LRRIQ3: variants seen among roughly 807,000 people sequenced by gnomAD.
LRRIQ3 encodes leucine-rich repeat and IQ domain-containing protein 3.
A neutral mutation model predicts 59.3 loss-of-function variants in LRRIQ3; 75 were observed. The observed-to-expected ratio is 1.26, with a 90% CI of 1.05 to 1.53. The LOEUF (loss-of-function observed/expected upper bound fraction) is 1.53, where lower values mean the gene tolerates loss of function less well. LRRIQ3 is among the 40% of genes most tolerant of loss of function. LRRIQ3 has a pLI of 0.00. For missense variants in LRRIQ3, 831 were observed against 710.0 expected (o/e 1.17, Z -1.94); for synonymous variants, 250 against 231.3 (o/e 1.08, Z -0.73).
intron 5 of LRRIQ3, chr1:74,084,275 G>A (rs1425021891): frequency 3.4e-6 from 5 of 1,478,422 alleles, no homozygotes; most frequent in Non-Finnish European, 4.6e-6. Context: ...AACTCTTGAG[G>A]TGTACCATTA....
chr1:74,123,959 A>G (rs1050553047), intron 4 of LRRIQ3, among the ~76,000 whole-genome samples: 1 of 151,926 alleles, frequency 6.6e-6, no homozygotes, highest in Non-Finnish European at 1.5e-5. Context: ...GAGATATAGT[A>G]ACCAAAACAA....
chr1:74,105,779 T>A (rs542081069), intron 5 of LRRIQ3, among the ~76,000 whole-genome samples: 2 of 152,138 alleles, frequency 1.3e-5, no homozygotes, highest in Admixed American at 6.6e-5. Context: ...ATGTATATAG[T>A]TCCATGAGTC....
At chr1:74,097,304 G>T (rs1206403659) in intron 5 of LRRIQ3, among the ~76,000 whole-genome samples, 1 of 152,068 alleles carries the variant, frequency 6.6e-6, no homozygotes. Context: ...TGGAAGAAAG[G>T]GTATCAGTGA....
At chr1:74,090,494 C>T (rs1183586950) in intron 5 of LRRIQ3, among the ~76,000 whole-genome samples, 1 of 151,888 alleles carries the variant, frequency 6.6e-6, no homozygotes. Flanking sequence ...ACCAGAAATA[C>T]TTAGTAATGA....
Position 74,037,867 on chromosome 1 carries a change from A to G in LRRIQ3, c.1718+3346T>C, listed in dbSNP as rs567935713. 7.9e-5 allele frequency among the ~76,000 whole-genome samples: 12 copies of G among 152,244 alleles called. No homozygotes were observed. The South Asian group carries it at 2.5e-3, about 32-fold the overall frequency. ...AACTGTGCAACCCAAGGATTGGAGGATCCCACTCATGAACCCATGCCACCG... is the reference window on the plus strand; with the variant it reads ...AACTGTGCAACCCAAGGATTGGAGGGTCCCACTCATGAACCCATGCCACCG... On this transcript the variant is annotated intron_variant, in intron 7 of 7. Coordinates refer to ENST00000354431, the MANE Select transcript of LRRIQ3 (RefSeq NM_001105659.2).
At chr1:74,130,324 A>G (rs1035017018) in intron 4 of LRRIQ3, among the ~76,000 whole-genome samples, 3 of 152,098 alleles carry the variant, frequency 2.0e-5, no homozygotes, top group Non-Finnish European at 2.9e-5. Context: ...GCTGATCTCA[A>G]TGCACATTCC....
Position 74,041,807 on chromosome 1 carries a change from TG to T in LRRIQ3, c.1123del (p.Gln375AsnfsTer30), listed in dbSNP as rs753312210. The T allele has an allele frequency of 1.1e-5, 18 of 1,613,634 alleles. No homozygotes were observed. Among genetic ancestry groups the T allele is most frequent in the Non-Finnish European group, 1.5e-5 (18 of 1,179,748 alleles). On this transcript the variant is annotated frameshift_variant, in exon 7 of 8. Transcript: ENST00000354431. LOFTEE classifies it high-confidence loss of function. ...KNNAVLREKK[Q>X]HFFPAYPQPI... Reference sequence around the variant, plus strand: ...CTGAGGATATGCAGGAAAAAAATGTTGTTTTTTCTCTCTCAATACTGCATTA... The same window carrying T: ...CTGAGGATATGCAGGAAAAAAATGTTTTTTTTCTCTCTCAATACTGCATTA...
intron 1 of LRRIQ3, among the ~76,000 whole-genome samples, chr1:74,196,224 T>C (rs1242691149): frequency 6.6e-6 from 1 of 152,154 alleles, no homozygotes; most frequent in Non-Finnish European, 1.5e-5. Flanking sequence ...AAATACTCTA[T>C]TTAATATTCT....
At chr1:74,149,402 A>G (rs1647780892) in intron 4 of LRRIQ3, among the ~76,000 whole-genome samples, 2 of 152,110 alleles carry the variant, frequency 1.3e-5, no homozygotes, top group Admixed American at 6.6e-5. Flanking sequence ...TCAGCTTGAA[A>G]ATTGTGTTTC....
intron 3 of LRRIQ3, among the ~76,000 whole-genome samples, chr1:74,163,248 TATTTA>T (rs1201979687): frequency 6.6e-6 from 1 of 151,620 alleles, no homozygotes; most frequent in African/African-American, 2.4e-5. Context: ...TTTACCTTTT[TATTTA>T]TTCTTTTAAT....
intron 3 of LRRIQ3, 30 bp from the exon 4 acceptor site, chr1:74,155,896 T>C: frequency 2.6e-6 from 3 of 1,142,640 alleles, no homozygotes; most frequent in Non-Finnish European, 3.6e-6. Context: ...TTAATAATTT[T>C]TATCTTTCAT....
intron 4 of LRRIQ3, among the ~76,000 whole-genome samples, chr1:74,142,318 T>C (rs1647295644): frequency 6.6e-6 from 1 of 151,978 alleles, no homozygotes. Context: ...AAATTATTAA[T>C]TATCCCATCA....
At chr1:74,169,600 G>A (rs1649199129) in intron 3 of LRRIQ3, among the ~76,000 whole-genome samples, 1 of 152,060 alleles carries the variant, frequency 6.6e-6, no homozygotes, top group South Asian at 2.1e-4. Flanking sequence ...ACCCAGGCTG[G>A]TGTGCCACTG....
At chr1:74,133,296 C>CGGT (rs1449935207) in intron 4 of LRRIQ3, among the ~76,000 whole-genome samples, 1 of 152,108 alleles carries the variant, frequency 6.6e-6, no homozygotes, top group Admixed American at 6.5e-5. Flanking sequence ...TTGTGGAAGA[C>CGGT]GGTGTAGCGA....
chr1:74,047,034 C>G (rs1266663022), intron 6 of LRRIQ3, among the ~76,000 whole-genome samples: 1 of 152,132 alleles, frequency 6.6e-6, no homozygotes, highest in Non-Finnish European at 1.5e-5. Flanking sequence ...TTGTGGGAGA[C>G]AGTGTGGCGA....
At chr1:74,183,029 C>T (rs1650094738) in intron 2 of LRRIQ3, 168 bp from the exon 3 acceptor site, 1 of 442,340 alleles carries the variant, frequency 2.3e-6, no homozygotes, top group Non-Finnish European at 3.9e-6. Context: ...AGTTGAAAAC[C>T]ATAATACACT....
At chr1:74,187,091 A>G (rs2100734108) in intron 1 of LRRIQ3, among the ~76,000 whole-genome samples, 1 of 152,290 alleles carries the variant, frequency 6.6e-6, no homozygotes, top group Admixed American at 6.5e-5. Context: ...AATGTAAACT[A>G]GTATAACCAC....
chr1:74,102,627 T>C (rs1436020862), intron 5 of LRRIQ3, among the ~76,000 whole-genome samples: 1 of 151,994 alleles, frequency 6.6e-6, no homozygotes, highest in East Asian at 1.9e-4. Context: ...TAGATATTTA[T>C]CCAAAAGAAT....
At chr1:74,187,067 A>C (rs965458471) in intron 1 of LRRIQ3, among the ~76,000 whole-genome samples, 3 of 152,184 alleles carry the variant, frequency 2.0e-5, no homozygotes, top group Non-Finnish European at 4.4e-5. Flanking sequence ...TGAAAAGGGA[A>C]TACTGCTGGT....
Sources: allele counts gnomAD v4.1 joint callset (sites outside exome capture counted in the v4.1 genomes callset), GRCh38; gene constraint gnomAD v4.1.1; transcripts MANE v1.5; gene names NCBI Gene and HGNC (gene_info 2026-07-23, HGNC 2026-07-21).